Variants in LIPI observed in about 807,000 individuals in gnomAD.
The protein encoded by LIPI is lipase member I.
LIPI carries 59 observed loss-of-function variants against 50.6 expected under a neutral mutation model. The ratio of observed to expected loss-of-function variants is 1.16; its 90% CI spans 0.94 to 1.45. The LOEUF (loss-of-function observed/expected upper bound fraction) is 1.45. Among genes scored for constraint, LIPI ranks in the 40% most tolerant of loss-of-function variants. LIPI has a pLI of 0.00. For synonymous variants in LIPI, 203 were observed against 178.2 expected, an observed-to-expected ratio of 1.14 and a Z score of -1.11; for missense variants, 586 against 536.3, an observed-to-expected ratio of 1.09 and a Z score of -0.92.
chr21:14,194,472 A>T (rs772587766), intron 1 of LIPI, among the ~76,000 whole-genome samples: 4 of 152,182 alleles, frequency 2.6e-5, no homozygotes, highest in Admixed American at 6.6e-5. Flanking sequence ...CAGCTTTGAA[A>T]AGGTGAAATT....
intron 9 of LIPI, among the ~76,000 whole-genome samples, chr21:14,112,742 G>A (rs2123298862): frequency 6.6e-6 from 1 of 151,940 alleles, no homozygotes; most frequent in Admixed American, 6.6e-5. Flanking sequence ...AAGACATCAT[G>A]CTTTTCTCAC....
chr21:14,152,622 A>T lies in LIPI; in HGVS notation c.1069T>A (p.Phe357Ile). 6.3e-7 allele frequency: 1 copy of T among 1,592,536 alleles called. No individual in the cohort carries two copies. The highest frequency in any genetic ancestry group is 2.2e-5 in the East Asian group (1 of 44,524). Residue 357 changes from phenylalanine (F) to isoleucine (I), a missense_variant, in exon 8 of 10, where the codon TTT becomes ATT. Transcript: ENST00000681601. ...ATTCCAAGCTGATTTAATAATTTAA[A>T]TGAAAACGAGCCATCCATCATAGTT... ...DKTMMDGSFS[F>I]KLLNQLGMIE...
intron 4 of LIPI, among the ~76,000 whole-genome samples, chr21:14,170,269 G>A (rs1047153525): frequency 3.3e-5 from 5 of 152,120 alleles, no homozygotes; most frequent in Admixed American, 1.3e-4. Context: ...ATTCACAGCC[G>A]AATTCTACCA....
At chr21:14,183,321 A>G (rs1451437448) in intron 3 of LIPI, among the ~76,000 whole-genome samples, 1 of 152,238 alleles carries the variant, frequency 6.6e-6, no homozygotes, top group Non-Finnish European at 1.5e-5. Context: ...TACAAAAATT[A>G]ATTCAAGATG....
chr21:14,176,522 A>ATAT (rs755335809), intron 4 of LIPI, among the ~76,000 whole-genome samples: 3 of 151,828 alleles, frequency 2.0e-5, no homozygotes, highest in East Asian at 3.9e-4. Flanking sequence ...ATATTTGATT[A>ATAT]TATTATTTAT....
chr21:14,153,139 A>AAT (rs939298680), intron 7 of LIPI, among the ~76,000 whole-genome samples: 5 of 152,268 alleles, frequency 3.3e-5, no homozygotes, highest in Admixed American at 2.0e-4. Context: ...AATGACTGTG[A>AAT]ATATATATAT....
At chr21:14,198,179 C>T (rs907383431) in intron 1 of LIPI, among the ~76,000 whole-genome samples, 13 of 151,808 alleles carry the variant, frequency 8.6e-5, no homozygotes, top group African/African-American at 1.7e-4. Context: ...CTGAAGTACA[C>T]GACCAGTGAC....
intron 1 of LIPI, chr21:14,206,854 T>C (rs2020239939): frequency 6.2e-7 from 1 of 1,612,438 alleles, no homozygotes; most frequent in South Asian, 1.1e-5. Context: ...AGGACATTTC[T>C]GGGTGAGAAC....
At chr21:14,131,973 A>T (rs905858404) in intron 9 of LIPI, among the ~76,000 whole-genome samples, 4 of 152,196 alleles carry the variant, frequency 2.6e-5, no homozygotes, top group Non-Finnish European at 5.9e-5. Flanking sequence ...AGAAGAAAGA[A>T]TCTCAGAACT....
chr21:14,185,850 T>A, intron 3 of LIPI, 111 bp downstream of exon 3: 2 of 663,292 alleles, frequency 3.0e-6, no homozygotes, highest in Non-Finnish European at 5.3e-6. Context: ...ACCACTGCAC[T>A]GCAGCCTGGG....
At chr21:14,136,496 G>T (rs1460016330) in intron 9 of LIPI, among the ~76,000 whole-genome samples, 1 of 152,188 alleles carries the variant, frequency 6.6e-6, no homozygotes, top group East Asian at 1.9e-4. Flanking sequence ...GGAAAGGGGA[G>T]GGAAGAGGGG....
intron 7 of LIPI, among the ~76,000 whole-genome samples, chr21:14,162,039 C>G (rs1482308233): frequency 1.4e-5 from 2 of 146,204 alleles, no homozygotes; most frequent in African/African-American, 5.0e-5. Context: ...GAGTAGTATC[C>G]CATAGGAACA....
intron 8 of LIPI, among the ~76,000 whole-genome samples, chr21:14,148,278 T>C (rs1036797683): frequency 1.3e-5 from 2 of 152,164 alleles, no homozygotes; most frequent in African/African-American, 4.8e-5. Flanking sequence ...CCCTATTTTC[T>C]ATTATATAAT....
rs370775688 is a variant in LIPI at position 14,183,128 on chromosome 21, A to G, written c.542-1269T>C. On this transcript the variant is annotated intron_variant, in intron 3 of 9. Coordinates refer to ENST00000681601, the MANE Select transcript of LIPI (RefSeq NM_001302998.2). ...CATGGTACTGGTACCAAAACAGAGAAATAGACCAATGGAACAGAACAGAGC... is the reference window on the plus strand; with the variant it reads ...CATGGTACTGGTACCAAAACAGAGAGATAGACCAATGGAACAGAACAGAGC... 9.0e-3 allele frequency among the ~76,000 whole-genome samples: 1,375 copies of G among 152,132 alleles called. 15 individuals carry two copies. Among genetic ancestry groups the G allele is most frequent in the African/African-American group, 0.031 (1,278 of 41,500 alleles).
intron 4 of LIPI, among the ~76,000 whole-genome samples, chr21:14,180,617 T>A (rs1312281054): frequency 6.6e-6 from 1 of 152,226 alleles, no homozygotes; most frequent in Non-Finnish European, 1.5e-5. Context: ...GTGTTTTATG[T>A]GGATGTGCCA....
At chr21:14,132,233 C>G (rs968929089) in intron 9 of LIPI, among the ~76,000 whole-genome samples, 1 of 152,116 alleles carries the variant, frequency 6.6e-6, no homozygotes, top group Non-Finnish European at 1.5e-5. Context: ...GGCAAATACA[C>G]TGCAAATAGT....
chr21:14,152,536 G>T, intron 8 of LIPI, 37 bp downstream of exon 8: 1 of 997,036 alleles, frequency 1.0e-6, no homozygotes, highest in Non-Finnish European at 1.6e-6. Context: ...AGCAAACATT[G>T]AATATATGAG....
chr21:14,141,852 G>A (rs774597286), intron 9 of LIPI, among the ~76,000 whole-genome samples: 29 of 152,272 alleles, frequency 1.9e-4, no homozygotes, highest in Non-Finnish European at 3.8e-4. Context: ...TTTACATTGT[G>A]TGCTGCCTCT....
intron 2 of LIPI, among the ~76,000 whole-genome samples, chr21:14,187,382 A>G (rs771540848): frequency 1.4e-4 from 21 of 152,148 alleles, no homozygotes; most frequent in Non-Finnish European, 2.6e-4. Flanking sequence ...TCAGGCTTTC[A>G]AGGCACAAGG....
Sources: gnomAD v4.1 joint callset for allele counts (sites outside exome capture counted in the v4.1 genomes callset) on GRCh38, gnomAD v4.1.1 for gene constraint, MANE v1.5 for transcripts, NCBI Gene and HGNC (gene_info 2026-07-23, HGNC 2026-07-21) for gene names.